The following SPHKAP variants were observed in gnomAD, a reference collection of about 807,000 sequenced individuals.
SPHKAP encodes A-kinase anchor protein SPHKAP.
SPHKAP carries 67 observed loss-of-function variants against 137.5 expected under a neutral mutation model. The observed-to-expected ratio is 0.49, with a 90% confidence interval of 0.40 to 0.60. SPHKAP has a LOEUF of 0.60. SPHKAP is among the 20% of genes least tolerant of loss of function. The probability of loss-of-function intolerance (pLI) is 0.00; values close to 1 mark genes in which losing one functional copy is unlikely to be tolerated. For missense variants in SPHKAP, 2,097 were observed against 2,069.3 expected (o/e 1.01, Z -0.26); for synonymous variants, 813 against 785.3 (o/e 1.04, Z -0.59).
chr2:228,096,646 G>A (rs1697992145), intron 3 of SPHKAP, among the ~76,000 whole-genome samples: 1 of 151,732 alleles, frequency 6.6e-6, no homozygotes, highest in Non-Finnish European at 1.5e-5. Flanking sequence ...GTGTGTGTGT[G>A]TGTGTGTGTG....
At chr2:227,993,448 T>G in intron 9 of SPHKAP, 86 bp downstream of exon 9, 1 of 1,247,920 alleles carries the variant, frequency 8.0e-7, no homozygotes, top group Non-Finnish European at 1.1e-6. Context: ...GGTCAGTGGT[T>G]GGGCACAACC....
chr2:228,098,146 T>TC (rs1559172308), intron 3 of SPHKAP, among the ~76,000 whole-genome samples: 11 of 129,084 alleles, frequency 8.5e-5, no homozygotes, highest in African/African-American at 3.3e-4. Context: ...GCCAACATAT[T>TC]TTTTTTTTAA....
At chr2:228,047,152 A>T in intron 3 of SPHKAP, among the ~76,000 whole-genome samples, 1 of 152,202 alleles carries the variant, frequency 6.6e-6, no homozygotes, top group East Asian at 1.9e-4. Context: ...GAATTTGACA[A>T]CAAGAAGTTA....
chr2:228,121,666 T>A (rs1356071002), intron 2 of SPHKAP, among the ~76,000 whole-genome samples: 1 of 152,200 alleles, frequency 6.6e-6, no homozygotes, highest in Non-Finnish European at 1.5e-5. Flanking sequence ...ATGCTTTCCA[T>A]CCTGGAGAGT....
intron 3 of SPHKAP, among the ~76,000 whole-genome samples, chr2:228,078,695 G>A (rs140561869): frequency 7.6e-4 from 116 of 152,260 alleles, no homozygotes; most frequent in African/African-American, 2.7e-3. Context: ...ATGTAGCAGA[G>A]AAATAAGAAA....
chr2:228,013,440 T>G (rs1694461155), intron 7 of SPHKAP, among the ~76,000 whole-genome samples: 1 of 152,084 alleles, frequency 6.6e-6, no homozygotes, highest in Admixed American at 6.5e-5. Flanking sequence ...AGAGACAGGG[T>G]TTCACCACCT....
chr2:228,081,906 T>A (rs781572676), intron 3 of SPHKAP, among the ~76,000 whole-genome samples: 1 of 152,124 alleles, frequency 6.6e-6, no homozygotes, highest in South Asian at 2.1e-4. Context: ...TAACAATGTG[T>A]CGTATTCCTG....
chr2:228,127,269 T>C, intron 2 of SPHKAP, among the ~76,000 whole-genome samples: 1 of 152,190 alleles, frequency 6.6e-6, no homozygotes. Flanking sequence ...CTGTAATCTG[T>C]GATTAACAAG....
At chr2:228,089,227 C>G (rs528571101) in intron 3 of SPHKAP, among the ~76,000 whole-genome samples, 23 of 152,328 alleles carry the variant, frequency 1.5e-4, no homozygotes, top group African/African-American at 5.3e-4. Context: ...AAAGGTCACA[C>G]TTGTTATGCC....
At chr2:228,142,553 A>G (rs1345448009) in intron 1 of SPHKAP, among the ~76,000 whole-genome samples, 1 of 152,178 alleles carries the variant, frequency 6.6e-6, no homozygotes, top group Non-Finnish European at 1.5e-5. Flanking sequence ...TTGTGAGAAC[A>G]TGGATGGTGC....
At chr2:228,081,611 G>A (rs1196691219) in intron 3 of SPHKAP, among the ~76,000 whole-genome samples, 1 of 152,164 alleles carries the variant, frequency 6.6e-6, no homozygotes, top group East Asian at 1.9e-4. Flanking sequence ...ATACTACTCA[G>A]CCTTAAAGAA....
At chr2:228,059,626 C>T (rs1162194125) in intron 3 of SPHKAP, among the ~76,000 whole-genome samples, 1 of 152,144 alleles carries the variant, frequency 6.6e-6, no homozygotes, top group Non-Finnish European at 1.5e-5. Flanking sequence ...CTTTATCCTC[C>T]AATTCTTGTC....
rs1404794450 is a variant in SPHKAP, at chr2:228,181,233, A to G, written c.32+334T>C. Among the ~76,000 whole-genome samples, 1 of 152,090 alleles carries G rather than the reference A, an allele frequency of 6.6e-6. No individual in the cohort carries two copies. Among genetic ancestry groups the G allele is most frequent in the African/African-American group, 2.4e-5 (1 of 41,434 alleles). ...CTCCACAAGGTGTGAAACCTCTCCA[A>G]GCTGTGTCCGCGGAAAGTCCGGCTC... On this transcript the variant is annotated intron_variant, in intron 1 of 11. Coordinates refer to ENST00000392056, the MANE Select transcript of SPHKAP (RefSeq NM_001142644.2). This position sits in a 1 kb window ranked among gnomAD's most constrained non-coding sequence, Gnocchi z 4.3.
rs1290711551 is a variant in SPHKAP at position 228,017,984 on chromosome 2, G to T, written c.2870C>A (p.Pro957His). The T allele has an allele frequency of 6.2e-7, 1 of 1,614,074 alleles. No homozygotes were observed. Among genetic ancestry groups the T allele is most frequent in the Non-Finnish European group, 8.5e-7 (1 of 1,180,020 alleles). Residue 957 changes from proline to histidine, a missense_variant, in exon 7 of 12, where the codon CCC becomes CAC. By Grantham distance (77) the Pro-to-His change is moderately conservative. Transcript: ENST00000392056. ...ICLDNSSGKQ[P>H]WFCAWKRGSE... ...CCCTCTTTTCCATGCACAAAACCAG[G>T]GTTGTTTTCCACTGGAGTTGTCAAG...
intron 3 of SPHKAP, among the ~76,000 whole-genome samples, chr2:228,067,219 A>G (rs1211419400): frequency 6.6e-6 from 1 of 152,222 alleles, no homozygotes; most frequent in Non-Finnish European, 1.5e-5. Flanking sequence ...TTCTGTCTGA[A>G]CACTGCAGAA....
chr2:228,109,956 CAAAAAAAAAA>C lies in SPHKAP; in HGVS notation c.139-1027_139-1018del, dbSNP rs11440513. Among the ~76,000 whole-genome samples the C allele has an allele frequency of 4.5e-3, 252 of 56,286 alleles. 1 individual carries two copies. Among genetic ancestry groups the C allele is most frequent in the Non-Finnish European group, 6.3e-3 (209 of 33,078 alleles). 36.9% of individuals were successfully genotyped at this position (56,286 alleles called of 152,430 possible). ...TTGGGCAACAAGAGTGAAAATGTCT[CAAAAAAAAAA>C]AAAAAAAAAAAAGCCTAATATTGTA... On this transcript the variant is annotated intron_variant, in intron 2 of 11. Transcript: ENST00000392056.
chr2:227,991,800 A>G (rs1693422788), intron 9 of SPHKAP: 1 of 576,990 alleles, frequency 1.7e-6, no homozygotes, highest in South Asian at 7.6e-5. Context: ...TTTAAAAAAT[A>G]ATTTTACATG....
At position 228,139,948 on chromosome 2, in the gene SPHKAP, T is replaced by TCTTTCTTTC. The variant is rs374831194; in HGVS notation, c.33-7864_33-7863insGAAAGAAAG. 7.6e-5 allele frequency among the ~76,000 whole-genome samples: 11 copies of TCTTTCTTTC among 145,390 alleles called. No homozygotes were observed. The East Asian group carries it at 1.6e-3, about 22-fold the overall frequency. ...TTTCTTTCTTTCTTTTTCTTTTCTT[T>TCTTTCTTTC]TTTCTTTTTCTTTTGAGATAGAGTC... On this transcript the variant is annotated intron_variant, in intron 1 of 11. Transcript: ENST00000392056.
chr2:228,123,288 C>G (rs535941639), intron 2 of SPHKAP, among the ~76,000 whole-genome samples: 2 of 152,286 alleles, frequency 1.3e-5, no homozygotes, highest in South Asian at 4.1e-4. Flanking sequence ...GGTGATAAAA[C>G]AGAACATCCA....
Sources: gnomAD v4.1 joint callset for allele counts (sites outside exome capture counted in the v4.1 genomes callset) on GRCh38, gnomAD v4.1.1 for gene constraint, Gnocchi (gnomAD v3.1) non-coding constraint, MANE v1.5 for transcripts, NCBI Gene and HGNC (gene_info 2026-07-23, HGNC 2026-07-21) for gene names.